Variants in CNTNAP5 observed in about 807,000 individuals in gnomAD.
The protein encoded by CNTNAP5 is contactin associated protein family member 5, also known as contactin-associated protein-like 5.
In CNTNAP5, 72 loss-of-function variants were observed where a neutral mutation model predicts 150.2. The observed-to-expected ratio is 0.48, with a 90% CI of 0.40 to 0.58. CNTNAP5 has a LOEUF of 0.58. Among genes scored for constraint, CNTNAP5 ranks in the 20% least tolerant of loss-of-function variants. CNTNAP5 has a pLI of 0.00. For synonymous variants in CNTNAP5, 672 were observed against 619.8 expected, an observed-to-expected ratio of 1.08 and a Z score of -1.25; for missense variants, 1,636 against 1,626.2, an observed-to-expected ratio of 1.01 and a Z score of -0.10.
chr2:124,146,194 C>T (rs1026641168), intron 1 of CNTNAP5, among the ~76,000 whole-genome samples: 8 of 152,050 alleles, frequency 5.3e-5, no homozygotes, highest in East Asian at 1.9e-4. Context: ...TCTTTACCAC[C>T]GGAAGCTGCC....
chr2:124,400,267 A>G (rs769911772), intron 3 of CNTNAP5, among the ~76,000 whole-genome samples: 2 of 152,100 alleles, frequency 1.3e-5, no homozygotes, highest in African/African-American at 2.4e-5. Context: ...GTAAATGAAT[A>G]TATATGCATA....
rs111699020 is a variant in CNTNAP5, at chr2:124,302,327, C to T, written c.381+59934C>T. Among the ~76,000 whole-genome samples the T allele has an allele frequency of 2.3e-3, 352 of 152,294 alleles. 1 individual carries two copies. The highest frequency in any genetic ancestry group is 8.1e-3 in the African/African-American group (336 of 41,548). On this transcript the variant is annotated intron_variant, in intron 3 of 23. Transcript: ENST00000682447. The stretch of plus-strand genomic sequence containing the variant: ...CTTTGCTCTGTTTCACATTTATGTG[C>T]CGGTCTTAGCTTAGTTTATTCTGCT...
intron 17 of CNTNAP5, among the ~76,000 whole-genome samples, chr2:124,782,897 C>T (rs971434642): frequency 6.6e-6 from 1 of 152,130 alleles, no homozygotes; most frequent in Non-Finnish European, 1.5e-5. Flanking sequence ...AAAACCTATA[C>T]TATGCCCATT....
chr2:124,422,894 T>C (rs1397848780), intron 4 of CNTNAP5, among the ~76,000 whole-genome samples: 1 of 152,188 alleles, frequency 6.6e-6, no homozygotes, highest in Admixed American at 6.5e-5. Context: ...AGTGCTTGTA[T>C]AAGCATTTTG....
At chr2:124,531,784 T>C (rs1265007544) in intron 10 of CNTNAP5, among the ~76,000 whole-genome samples, 1 of 152,168 alleles carries the variant, frequency 6.6e-6, no homozygotes, top group African/African-American at 2.4e-5. Flanking sequence ...TGGCTCTAAA[T>C]GTGTAACCCC....
intron 3 of CNTNAP5, among the ~76,000 whole-genome samples, chr2:124,364,650 A>T (rs372956036): frequency 6.6e-6 from 1 of 152,224 alleles, no homozygotes; most frequent in African/African-American, 2.4e-5. Context: ...GAATGAACAC[A>T]TTTAGTGATT....
rs776239956 is a variant in CNTNAP5, at chr2:124,919,450, G to A, written c.*5162G>A. ...AATGGCTGAGCAGACATGAACAAAG[G>A]TTAATGCAAAAGTTGGTTTTGGTTT... On this transcript the variant is annotated 3_prime_UTR_variant, in exon 24 of 24. Coordinates refer to ENST00000682447, the MANE Select transcript of CNTNAP5 (RefSeq NM_001367498.1). 6.6e-6 allele frequency among the ~76,000 whole-genome samples: 1 copy of A among 152,084 alleles called. No individual in the cohort carries two copies. The highest frequency in any genetic ancestry group is 1.5e-5 in the Non-Finnish European group (1 of 68,004).
At chr2:124,780,069 A>G (rs1455093877) in intron 17 of CNTNAP5, among the ~76,000 whole-genome samples, 2 of 152,194 alleles carry the variant, frequency 1.3e-5, no homozygotes, top group Non-Finnish European at 2.9e-5. Flanking sequence ...CCATTCCACT[A>G]GTGGCTTTAT....
At chr2:124,709,432 C>CTT (rs1371246033) in intron 13 of CNTNAP5, among the ~76,000 whole-genome samples, 1 of 151,924 alleles carries the variant, frequency 6.6e-6, no homozygotes, top group Non-Finnish European at 1.5e-5. Context: ...ATGAGTCTTA[C>CTT]ATAAATATAG....
chr2:124,567,053 G>C (rs1696040222), intron 11 of CNTNAP5, among the ~76,000 whole-genome samples: 1 of 152,142 alleles, frequency 6.6e-6, no homozygotes, highest in African/African-American at 2.4e-5. Context: ...ATAATTTCTT[G>C]AGTATTCTCT....
intron 1 of CNTNAP5, among the ~76,000 whole-genome samples, chr2:124,121,959 G>C (rs979111814): frequency 5.3e-5 from 8 of 152,148 alleles, no homozygotes; most frequent in African/African-American, 1.9e-4. Context: ...AGATTAATTG[G>C]CTTTTGTATG....
At chr2:124,755,635 T>C (rs62171337) in intron 14 of CNTNAP5, among the ~76,000 whole-genome samples, 49,907 of 152,080 alleles carry the variant, frequency 0.33, 9,191 homozygotes, top group Non-Finnish European at 0.43. Context: ...TCCATGGCAA[T>C]GCTCTCTGTG....
At chr2:124,905,844 G>A (rs1034669714) in intron 22 of CNTNAP5, among the ~76,000 whole-genome samples, 5 of 152,100 alleles carry the variant, frequency 3.3e-5, no homozygotes, top group Admixed American at 2.6e-4. Context: ...CAGGATCTGC[G>A]CTACAGGGGT....
At chr2:124,061,281 C>A (rs911754786) in intron 1 of CNTNAP5, among the ~76,000 whole-genome samples, 1 of 152,162 alleles carries the variant, frequency 6.6e-6, no homozygotes. Context: ...ACTTGATCTA[C>A]CTTTTCTTTT....
intron 1 of CNTNAP5, among the ~76,000 whole-genome samples, chr2:124,125,117 C>A (rs886204134): frequency 6.6e-6 from 1 of 152,100 alleles, no homozygotes; most frequent in Non-Finnish European, 1.5e-5. Context: ...CACAGACTGG[C>A]AAAATGGATA....
At chr2:124,211,183 C>A (rs1257221125) in intron 1 of CNTNAP5, among the ~76,000 whole-genome samples, 1 of 152,106 alleles carries the variant, frequency 6.6e-6, no homozygotes, top group Non-Finnish European at 1.5e-5. Context: ...GTGCTAAAAA[C>A]CGTGTGGATG....
At chr2:124,120,844 C>T (rs1683543216) in intron 1 of CNTNAP5, among the ~76,000 whole-genome samples, 1 of 152,068 alleles carries the variant, frequency 6.6e-6, no homozygotes, top group African/African-American at 2.4e-5. Context: ...CAATGAAGTG[C>T]CTGGGTATGC....
At chr2:124,818,454 G>GGA (rs1558788030) in intron 19 of CNTNAP5, among the ~76,000 whole-genome samples, 4 of 152,152 alleles carry the variant, frequency 2.6e-5, no homozygotes, top group African/African-American at 9.6e-5. Context: ...TTGAGCCCAA[G>GGA]GGGGGTTTGC....
intron 3 of CNTNAP5, among the ~76,000 whole-genome samples, chr2:124,274,720 T>A (rs1026648684): frequency 6.6e-6 from 1 of 152,080 alleles, no homozygotes; most frequent in Non-Finnish European, 1.5e-5. Flanking sequence ...GAGGTGGAAT[T>A]TTTGCATTAT....
Sources: gnomAD v4.1 joint callset for allele counts (sites outside exome capture counted in the v4.1 genomes callset) on GRCh38, gnomAD v4.1.1 for gene constraint, MANE v1.5 for transcripts, NCBI Gene and HGNC (gene_info 2026-07-23, HGNC 2026-07-21) for gene names.